GARIN2: variants seen among roughly 807,000 people sequenced by gnomAD.
GARIN2 encodes the protein Golgi-associated RAB2 interactor protein 2.
chr14:67,203,560 C>T, the GARIN2 span, among the ~76,000 whole-genome samples: 1 of 152,204 alleles, frequency 6.6e-6, no homozygotes, highest in Admixed American at 6.5e-5. Context: ...AACATGCCTC[C>T]TCTTCCACAG....
At chr14:67,197,601 T>C in the GARIN2 span, among the ~76,000 whole-genome samples, 1 of 152,154 alleles carries the variant, frequency 6.6e-6, no homozygotes, top group African/African-American at 2.4e-5. Context: ...TAGAGTCTCA[T>C]AAGGAGCGCG....
At chr14:67,191,351 A>C in the GARIN2 span, among the ~76,000 whole-genome samples, 1 of 152,254 alleles carries the variant, frequency 6.6e-6, no homozygotes. Context: ...GAAACTTTTT[A>C]TAATAAAATA....
At chr14:67,200,251 C>A in the GARIN2 span, 1 of 895,918 alleles carries the variant, frequency 1.1e-6, no homozygotes, top group Non-Finnish European at 1.7e-6. Context: ...GGCTACCAGC[C>A]TCTCCCTCCA....
At chr14:67,214,269 G>T in the GARIN2 span, among the ~76,000 whole-genome samples, 7 of 152,212 alleles carry the variant, frequency 4.6e-5, no homozygotes, top group East Asian at 1.3e-3. Flanking sequence ...GTATTGCCTA[G>T]GTTTTCTTTT....
the GARIN2 span, chr14:67,203,138 C>G: frequency 4.3e-6 from 7 of 1,613,740 alleles, no homozygotes; most frequent in African/African-American, 1.3e-5. Flanking sequence ...ACCGAGCCAA[C>G]TGGGTGACCG....
At chr14:67,208,386 A>G in the GARIN2 span, 48 of 1,613,918 alleles carry the variant, frequency 3.0e-5, no homozygotes, top group African/African-American at 4.0e-5. Flanking sequence ...GAGATGAAGG[A>G]TAAGACCTCT....
the GARIN2 span, chr14:67,223,858 C>T: frequency 2.5e-5 from 25 of 985,650 alleles, no homozygotes; most frequent in Non-Finnish European, 7.2e-6. Context: ...TCTCACTTAA[C>T]ACCCTGTACC....
the GARIN2 span, among the ~76,000 whole-genome samples, chr14:67,218,010 G>A: frequency 5.3e-5 from 8 of 152,274 alleles, no homozygotes; most frequent in African/African-American, 1.9e-4. Flanking sequence ...CTAAGTGGAT[G>A]CAACAGTGTA....
At chr14:67,222,628 A>C in the GARIN2 span, among the ~76,000 whole-genome samples, 1 of 152,074 alleles carries the variant, frequency 6.6e-6, no homozygotes, top group African/African-American at 2.4e-5. Flanking sequence ...TTTTCTTTAT[A>C]TATTGCCATG....
At chr14:67,205,798 C>T in the GARIN2 span, among the ~76,000 whole-genome samples, 1 of 152,154 alleles carries the variant, frequency 6.6e-6, no homozygotes. Flanking sequence ...AATGAAGGAG[C>T]TGTGTTTTTA....
At chr14:67,208,059 A>G in the GARIN2 span, 1 of 1,263,970 alleles carries the variant, frequency 7.9e-7, no homozygotes, top group Non-Finnish European at 1.1e-6. Flanking sequence ...GTGCCATTCT[A>G]AGCCTCACTC....
At chr14:67,201,416 T>C in the GARIN2 span, 2 of 456,046 alleles carry the variant, frequency 4.4e-6, no homozygotes, top group East Asian at 6.9e-5. Context: ...CTCTTTTTGC[T>C]CTGTCACCTT....
At chr14:67,200,372 C>T in the GARIN2 span, 7 of 622,670 alleles carry the variant, frequency 1.1e-5, no homozygotes, top group South Asian at 7.5e-5. Context: ...AATATCTTTT[C>T]GATACCTTGG....
At chr14:67,200,364 T>C in the GARIN2 span, 2 of 628,568 alleles carry the variant, frequency 3.2e-6, no homozygotes, top group South Asian at 3.7e-5. Context: ...ATCTTCCCAA[T>C]ATCTTTTCGA....
At chr14:67,204,864 G>A in the GARIN2 span, 2 of 1,613,730 alleles carry the variant, frequency 1.2e-6, no homozygotes, top group African/African-American at 2.7e-5. Flanking sequence ...AACATGTCAG[G>A]GACAGCATAG....
the GARIN2 span, among the ~76,000 whole-genome samples, chr14:67,225,929 G>GTGTGTA: frequency 9.3e-6 from 1 of 107,062 alleles, no homozygotes; most frequent in Non-Finnish European, 1.7e-5. Context: ...TGCTGTGAGT[G>GTGTGTA]TGTGTGTGTG....
chr14:67,198,422 G>A, the GARIN2 span: 18 of 1,122,830 alleles, frequency 1.6e-5, no homozygotes, highest in Non-Finnish European at 2.2e-5. Context: ...ATGTGCCGAG[G>A]GAATGTGTGA....
the GARIN2 span, among the ~76,000 whole-genome samples, chr14:67,202,191 A>G: frequency 6.6e-6 from 1 of 152,248 alleles, no homozygotes; most frequent in African/African-American, 2.4e-5. Context: ...CTGTAATCCC[A>G]GCACTTTGGT....
At chr14:67,213,437 A>G in the GARIN2 span, among the ~76,000 whole-genome samples, 1 of 147,372 alleles carries the variant, frequency 6.8e-6, no homozygotes, top group Admixed American at 6.9e-5. Flanking sequence ...TTCTTGCGAT[A>G]GTTTACTGAG....
Sources: allele counts gnomAD v4.1 joint callset (sites outside exome capture counted in the v4.1 genomes callset), GRCh38; gene constraint gnomAD v4.1.1; transcripts MANE v1.5; gene names NCBI Gene and HGNC (gene_info 2026-07-23, HGNC 2026-07-21).